DIP2B: variants seen among roughly 807,000 people sequenced by gnomAD.
DIP2B encodes the protein disco-interacting protein 2 homolog B.
DIP2B carries 76 observed loss-of-function variants against 198.0 expected under a neutral mutation model. The ratio of observed to expected loss-of-function variants is 0.38; its 90% CI spans 0.32 to 0.46. The LOEUF is 0.46. Among genes scored for constraint, DIP2B ranks in the 20% least tolerant of loss-of-function variants. DIP2B has a pLI of 0.99. For missense variants in DIP2B, 1,559 were observed against 1,978.4 expected (o/e 0.79, Z 4.02); for synonymous variants, 701 against 739.1 (o/e 0.95, Z 0.84).
chr12:50,516,580 G>A (rs1460620425), intron 1 of DIP2B, among the ~76,000 whole-genome samples: 1 of 151,998 alleles, frequency 6.6e-6, no homozygotes, highest in African/African-American at 2.4e-5. Flanking sequence ...ATCACATTGG[G>A]AATTAAGTTC....
chr12:50,664,828 T>TG (rs1938717735), intron 4 of DIP2B, among the ~76,000 whole-genome samples: 1 of 8,418 alleles, frequency 1.2e-4, no homozygotes, highest in African/African-American at 2.2e-4. Context: ...CCTCCTTTTT[T>TG]GGTTTTTGTT....
chr12:50,636,110 C>T (rs1283514575), intron 2 of DIP2B, among the ~76,000 whole-genome samples: 6 of 152,092 alleles, frequency 3.9e-5, no homozygotes, highest in African/African-American at 1.4e-4. Context: ...TGTAAGAGAG[C>T]TCTAAACAAA....
At chr12:50,703,697 GC>G (rs1939462133) in intron 19 of DIP2B, among the ~76,000 whole-genome samples, 1 of 152,078 alleles carries the variant, frequency 6.6e-6, no homozygotes, top group South Asian at 2.1e-4. Context: ...CCAGGCACTT[GC>G]CTAAAGTCTA....
At chr12:50,516,533 T>A (rs191039226) in intron 1 of DIP2B, among the ~76,000 whole-genome samples, 207 of 152,162 alleles carry the variant, frequency 1.4e-3, no homozygotes, top group African/African-American at 4.8e-3. Context: ...AGATTATGAC[T>A]GTGAGCCACT....
At chr12:50,547,150 G>A (rs1282432454) in intron 1 of DIP2B, among the ~76,000 whole-genome samples, 4 of 152,028 alleles carry the variant, frequency 2.6e-5, no homozygotes, top group Non-Finnish European at 5.9e-5. Context: ...CTGGACAGGG[G>A]CCCTTTATAT....
intron 1 of DIP2B, among the ~76,000 whole-genome samples, chr12:50,513,957 T>C (rs1053332046): frequency 9.9e-5 from 15 of 152,044 alleles, no homozygotes; most frequent in African/African-American, 3.6e-4. Context: ...TCAGACTTAA[T>C]TGGTCTGATT....
intron 1 of DIP2B, among the ~76,000 whole-genome samples, chr12:50,535,694 AATTTT>A (rs1958258277): frequency 6.6e-6 from 1 of 151,078 alleles, no homozygotes; most frequent in Admixed American, 6.6e-5. Flanking sequence ...TTTTTTTTTA[AATTTT>A]ATTTTATTAT....
intron 2 of DIP2B, among the ~76,000 whole-genome samples, chr12:50,630,784 G>A (rs1463039220): frequency 6.9e-6 from 1 of 144,198 alleles, no homozygotes; most frequent in Non-Finnish European, 1.5e-5. Context: ...CGATTATCCT[G>A]CCTCAGCCTC....
At chr12:50,645,901 A>T (rs920161074) in intron 3 of DIP2B, among the ~76,000 whole-genome samples, 3 of 152,050 alleles carry the variant, frequency 2.0e-5, no homozygotes, top group East Asian at 1.9e-4. Context: ...GTTTATAGAC[A>T]TGGAGACCTG....
At chr12:50,686,495 A>G in intron 11 of DIP2B, 78 bp from the exon 12 acceptor site, 1 of 1,254,668 alleles carries the variant, frequency 8.0e-7, no homozygotes, top group South Asian at 1.4e-5. Flanking sequence ...GTCTCTTGAT[A>G]TTTAAAATGA....
rs1939519187 is a variant in DIP2B, at chr12:50,706,678, A to G, written c.2534+13A>G. ...TTTATAGAGGAAGGTGAGTAGTACA[A>G]AATTCAAATGTTAGCACCTTTTAAT... is the stretch of plus-strand genomic sequence containing the variant. On this transcript the variant is annotated intron_variant, in intron 21 of 37. Transcript: ENST00000301180. 3.7e-6 allele frequency: 6 copies of G among 1,613,480 alleles called. No individual in the cohort carries two copies. The East Asian group carries it at 1.3e-4, about 36-fold the overall frequency.
At chr12:50,553,086 T>G (rs1958441224) in intron 1 of DIP2B, among the ~76,000 whole-genome samples, 1 of 152,210 alleles carries the variant, frequency 6.6e-6, no homozygotes, top group Non-Finnish European at 1.5e-5. Context: ...TCTGCCCACC[T>G]CGGCCTCCCA....
chr12:50,667,776 G>T (rs889892068), intron 4 of DIP2B, among the ~76,000 whole-genome samples: 1 of 152,142 alleles, frequency 6.6e-6, no homozygotes, highest in Non-Finnish European at 1.5e-5. Flanking sequence ...AAAATTTCAG[G>T]TTATTCCAAA....
chr12:50,590,055 A>G (rs1958805735), intron 1 of DIP2B, among the ~76,000 whole-genome samples: 1 of 151,142 alleles, frequency 6.6e-6, no homozygotes, highest in African/African-American at 2.4e-5. Context: ...GAGTGCAGTG[A>G]CGCCATCATG....
At position 50,561,794 on chromosome 12, in the gene DIP2B, G is replaced by C. The variant is rs542059141; in HGVS notation, c.100+56554G>C. ...GGCTAATTTTTGTATTTTTAGTAGA[G>C]ACTGGGTTTCACCCATGTTGGCCAG... On this transcript the variant is annotated intron_variant, in intron 1 of 37. Coordinates refer to ENST00000301180, the MANE Select transcript of DIP2B (RefSeq NM_173602.3). Among the ~76,000 whole-genome samples, 4 of 152,124 alleles carry C rather than the reference G, an allele frequency of 2.6e-5. 1 individual carries two copies. In the South Asian group the frequency reaches 8.3e-4, roughly 31 times the overall value.
At chr12:50,618,214 G>A (rs1937738669) in intron 1 of DIP2B, among the ~76,000 whole-genome samples, 1 of 152,170 alleles carries the variant, frequency 6.6e-6, no homozygotes, top group South Asian at 2.1e-4. Context: ...GATTGGTGGT[G>A]GTGTTATATA....
At chr12:50,720,033 C>T (rs1232313408) in intron 25 of DIP2B, among the ~76,000 whole-genome samples, 2 of 150,710 alleles carry the variant, frequency 1.3e-5, no homozygotes, top group Middle Eastern at 3.4e-3. Flanking sequence ...TGGGTTCAAG[C>T]GATTCTCCTG....
intron 2 of DIP2B, among the ~76,000 whole-genome samples, chr12:50,627,494 C>T (rs977670216): frequency 6.6e-6 from 1 of 152,104 alleles, no homozygotes; most frequent in Non-Finnish European, 1.5e-5. Flanking sequence ...CCACCACACC[C>T]AGTTAATTAT....
At chr12:50,645,076 T>G (rs2139492291) in intron 3 of DIP2B, among the ~76,000 whole-genome samples, 1 of 152,290 alleles carries the variant, frequency 6.6e-6, no homozygotes, top group South Asian at 2.1e-4. Flanking sequence ...ATAGATTCAA[T>G]TAAATATGCA....
Sources: gnomAD v4.1 joint callset for allele counts (sites outside exome capture counted in the v4.1 genomes callset) on GRCh38, gnomAD v4.1.1 for gene constraint, MANE v1.5 for transcripts, NCBI Gene and HGNC (gene_info 2026-07-23, HGNC 2026-07-21) for gene names.